Variants in ATP13A5 observed in about 807,000 individuals in gnomAD.
ATP13A5 encodes the protein probable cation-transporting ATPase 13A5.
In ATP13A5, 149 loss-of-function variants were observed where a neutral mutation model predicts 150.2. The ratio of observed to expected loss-of-function variants is 0.99; its 90% CI spans 0.87 to 1.14. The LOEUF (loss-of-function observed/expected upper bound fraction) is 1.14, where lower values mean the gene tolerates loss of function less well. ATP13A5 is among the 50% of genes most tolerant of loss of function. ATP13A5 has a pLI of 0.00. For missense variants in ATP13A5, 1,383 were observed against 1,449.3 expected (o/e 0.95, Z 0.74); for synonymous variants, 497 against 522.2 (o/e 0.95, Z 0.66).
In ATP13A5 at chr3:193,321,743, T is replaced by G. The variant is rs149246060; in HGVS notation, c.1853A>C (p.His618Pro). ...SVIAQLAGEN[H>P]FHVYMKGAPE... is the part of the protein sequence containing the mutation. Reference sequence around the variant, plus strand: ...GGCACCTTTCATGTAGACATGGAAATGATTCTCCCCAGCTAGCTGAGCGAT... The same window carrying G: ...GGCACCTTTCATGTAGACATGGAAAGGATTCTCCCCAGCTAGCTGAGCGAT... The change falls in exon 16 of 30, where the codon CAT becomes CCT. Residue 618 changes from histidine to proline, a missense_variant. His to Pro is a moderately conservative substitution (Grantham distance 77). Transcript: ENST00000342358. 5.1e-5 allele frequency: 83 copies of G among 1,614,166 alleles called. 1 individual carries two copies. The East Asian group carries it at 1.7e-3, about 34-fold the overall frequency.
In ATP13A5 at chr3:193,321,718, G is replaced by T. The variant is rs776597002; in HGVS notation, c.1878C>A (p.Ala626=). The T allele has an allele frequency of 9.3e-6, 15 of 1,614,008 alleles. No homozygotes were observed. The East Asian group carries it at 2.2e-4, about 24-fold the overall frequency. The change falls in exon 16 of 30, where the codon GCC becomes GCA. Residue 626 remains alanine, a synonymous_variant. Coordinates refer to ENST00000342358, the MANE Select transcript of ATP13A5 (RefSeq NM_198505.4). The part of the protein sequence containing the change: ...ENHFHVYMKG[A]PEMVARFCRS... ...TGCAGAACCTGGCCACCATTTCTGG[G>T]GCACCTTTCATGTAGACATGGAAAT...
At chr3:193,330,502 T>C (rs1711589668) in intron 12 of ATP13A5, among the ~76,000 whole-genome samples, 1 of 152,352 alleles carries the variant, frequency 6.6e-6, no homozygotes, top group South Asian at 2.1e-4. Context: ...AGGATCCAAA[T>C]AGCAGGCAGC....
At chr3:193,345,629 G>T (rs993411876) in intron 7 of ATP13A5, among the ~76,000 whole-genome samples, 4 of 152,184 alleles carry the variant, frequency 2.6e-5, no homozygotes, top group Admixed American at 2.6e-4. Flanking sequence ...TATGGCTGCT[G>T]TATGAGTCGC....
chr3:193,299,838 A>G (rs995172149), intron 24 of ATP13A5, among the ~76,000 whole-genome samples: 2 of 152,162 alleles, frequency 1.3e-5, no homozygotes, highest in Admixed American at 6.5e-5. Context: ...TCTTGCAGCC[A>G]GGTCTGTTTA....
chr3:193,308,474 T>C (rs1262140467), intron 21 of ATP13A5, among the ~76,000 whole-genome samples: 3 of 152,044 alleles, frequency 2.0e-5, no homozygotes, highest in African/African-American at 7.2e-5. Context: ...CAAAAAAAAG[T>C]CAAATGTAGG....
chr3:193,331,443 C>T, intron 11 of ATP13A5, 132 bp from the exon 12 acceptor site: 3 of 745,262 alleles, frequency 4.0e-6, no homozygotes, highest in Non-Finnish European at 4.0e-6. Context: ...ACTCCCAGTC[C>T]ACCAACCCCT....
In ATP13A5 at chr3:193,335,125, T is replaced by G. The variant is rs757719803; in HGVS notation, c.944-26A>C. On this transcript the variant is annotated intron_variant, in intron 9 of 29. Transcript: ENST00000342358. ...CTAAAGAGGATTGTATTTTGTTGAATCTATGTAAGCTCAGGTAGTTGGTCA... is the reference window on the plus strand; with the variant it reads ...CTAAAGAGGATTGTATTTTGTTGAAGCTATGTAAGCTCAGGTAGTTGGTCA... 4 of 1,610,838 alleles carry G rather than the reference T, an allele frequency of 2.5e-6. No homozygotes were observed. In the South Asian group the frequency reaches 4.4e-5, roughly 18 times the overall value.
intron 21 of ATP13A5, among the ~76,000 whole-genome samples, chr3:193,310,248 T>A (rs1334754499): frequency 6.6e-6 from 1 of 152,198 alleles, no homozygotes; most frequent in Non-Finnish European, 1.5e-5. Flanking sequence ...ACGTACCACA[T>A]TTTCTTTGTC....
intron 27 of ATP13A5, among the ~76,000 whole-genome samples, chr3:193,280,706 C>T (rs930521492): frequency 2.6e-5 from 4 of 152,182 alleles, no homozygotes; most frequent in African/African-American, 4.8e-5. Context: ...ACTTTAGAGA[C>T]GGTACCTTAG....
chr3:193,322,518 G>A lies in ATP13A5; in HGVS notation c.1731C>T (p.Ile577=), dbSNP rs751105343. Residue 577 remains isoleucine (I), a synonymous_variant, in exon 15 of 30, where the codon ATC becomes ATT. Coordinates refer to ENST00000342358, the MANE Select transcript of ATP13A5 (RefSeq NM_198505.4). ...SCKFGTSVSN[I]IKPGPKASKS... ...TACTGGCTTTTGGTCCTGGTTTTAT[G>A]ATGTTTGAAACTGACGTCCCAAATT... 3.1e-6 allele frequency: 5 copies of A among 1,613,810 alleles called. No homozygotes were observed. The South Asian group carries it at 5.5e-5, about 18-fold the overall frequency.
chr3:193,289,716 A>G (rs555296110), intron 26 of ATP13A5, among the ~76,000 whole-genome samples, 169 bp downstream of exon 26: 1 of 151,894 alleles, frequency 6.6e-6, no homozygotes, highest in Non-Finnish European at 1.5e-5. Context: ...CACCCACTCC[A>G]CCCCAGTAGT....
chr3:193,278,923 A>T (rs773507449), intron 28 of ATP13A5, among the ~76,000 whole-genome samples: 4 of 152,216 alleles, frequency 2.6e-5, no homozygotes, highest in Non-Finnish European at 4.4e-5. Flanking sequence ...CCTGGATCAA[A>T]TTATATCCAC....
At chr3:193,310,454 A>T (rs1402499297) in intron 21 of ATP13A5, among the ~76,000 whole-genome samples, 184 bp downstream of exon 21, 1 of 152,198 alleles carries the variant, frequency 6.6e-6, no homozygotes, top group Non-Finnish European at 1.5e-5. Flanking sequence ...ACTGCTTTCT[A>T]CAATGGCTGA....
chr3:193,328,047 A>G (rs1667145789), intron 12 of ATP13A5, among the ~76,000 whole-genome samples: 1 of 152,246 alleles, frequency 6.6e-6, no homozygotes, highest in Non-Finnish European at 1.5e-5. Context: ...AATGCTTTAC[A>G]GGAAAGTGTT....
intron 12 of ATP13A5, 130 bp from the exon 13 acceptor site, chr3:193,327,187 C>T: frequency 1.0e-5 from 8 of 771,542 alleles, no homozygotes; most frequent in South Asian, 9.6e-5. Flanking sequence ...TTATAAGTAC[C>T]AAATTTTAAA....
rs898034725 is a variant in ATP13A5, at chr3:193,364,032, C to G, written c.237+75G>C. On this transcript the variant is annotated intron_variant, in intron 2 of 29. Coordinates refer to ENST00000342358, the MANE Select transcript of ATP13A5 (RefSeq NM_198505.4). ...CTACCTTCTGAAATATAATACCAGC[C>G]ACAGAGTTATGCCACAGAGGCAATA... 253 of 1,449,746 alleles carry G rather than the reference C, an allele frequency of 1.7e-4. 2 individuals carry two copies. The highest frequency in any genetic ancestry group is 1.2e-3 in the African/African-American group (88 of 70,840). The allele number at this position is 1,449,746 out of a possible 1,614,324, so 89.8% of individuals were successfully genotyped here.
At chr3:193,316,509 G>A (rs549165239) in intron 17 of ATP13A5, among the ~76,000 whole-genome samples, 27 of 152,166 alleles carry the variant, frequency 1.8e-4, no homozygotes, top group African/African-American at 6.3e-4. Context: ...GTTTCAAATA[G>A]CCATCCTTAC....
At chr3:193,316,247 A>T (rs1719047675) in intron 17 of ATP13A5, among the ~76,000 whole-genome samples, 2 of 152,126 alleles carry the variant, frequency 1.3e-5, no homozygotes, top group African/African-American at 4.8e-5. Context: ...CTTGACTATT[A>T]TAAATAATGC....
intron 6 of ATP13A5, among the ~76,000 whole-genome samples, chr3:193,352,604 G>T (rs373828279): frequency 1.3e-5 from 2 of 151,974 alleles, no homozygotes; most frequent in South Asian, 4.2e-4. Context: ...ATTTGAAAAC[G>T]TACTTGACGT....
Sources: allele counts gnomAD v4.1 joint callset (sites outside exome capture counted in the v4.1 genomes callset), GRCh38; gene constraint gnomAD v4.1.1; transcripts MANE v1.5; gene names NCBI Gene and HGNC (gene_info 2026-07-23, HGNC 2026-07-21).